Variants in NTN1 observed in about 807,000 individuals in gnomAD.
NTN1 encodes the protein netrin 1.
In NTN1, 11 loss-of-function variants were observed where a neutral mutation model predicts 54.2. That is an observed-to-expected ratio of 0.20 (90% CI 0.13 to 0.34). NTN1 has a LOEUF of 0.34. NTN1 is among the 10% of genes least tolerant of loss of function. NTN1 has a pLI of 1.00. For synonymous variants in NTN1, 371 were observed against 382.0 expected (o/e 0.97, Z 0.33); for missense variants, 740 against 893.1 (o/e 0.83, Z 2.18).
At chr17:9,017,642 G>A (rs557121867), upstream of NTN1, among the ~76,000 whole-genome samples, 3 of 152,282 alleles carry the variant, frequency 2.0e-5, no homozygotes, top group African/African-American at 4.8e-5. Flanking sequence ...GCCTCTCAAC[G>A]CATTCCTTGC....
chr17:9,095,200 T>C (rs1038125066), intron 2 of NTN1, among the ~76,000 whole-genome samples: 2 of 152,208 alleles, frequency 1.3e-5, no homozygotes, highest in African/African-American at 4.8e-5. Flanking sequence ...ATGTAAATTA[T>C]TTGTTATTTC....
chr17:9,227,361 CAT>C (rs1238009309), intron 6 of NTN1, among the ~76,000 whole-genome samples: 3 of 138,586 alleles, frequency 2.2e-5, no homozygotes, highest in African/African-American at 8.4e-5. Context: ...ACACTCACAT[CAT>C]ACACACACCA....
intron 2 of NTN1, among the ~76,000 whole-genome samples, chr17:9,155,464 C>T (rs2092338964): frequency 6.6e-6 from 1 of 152,046 alleles, no homozygotes; most frequent in African/African-American, 2.4e-5. Context: ...GCCTCATCCT[C>T]CCGAGTAGCT....
Position 9,221,545 on chromosome 17 carries a change from T to C in NTN1, c.1486+303T>C, listed in dbSNP as rs1354320904. 6.6e-6 allele frequency among the ~76,000 whole-genome samples: 1 copy of C among 152,232 alleles called. No homozygotes were observed. Among genetic ancestry groups the C allele is most frequent in the Non-Finnish European group, 1.5e-5 (1 of 68,026 alleles). ...GATGGGCTGTGTGGCCACAGACCAG[T>C]GGCTTTACCTCTGTGGTCTTCTGTG... On this transcript the variant is annotated intron_variant, in intron 6 of 6. Coordinates refer to ENST00000173229, the MANE Select transcript of NTN1 (RefSeq NM_004822.3). The surrounding 1 kb of genome is among the most constrained non-coding windows in gnomAD (Gnocchi z 4.5).
chr17:9,150,285 C>T (rs1049053946), intron 2 of NTN1, among the ~76,000 whole-genome samples: 4 of 152,154 alleles, frequency 2.6e-5, no homozygotes, highest in African/African-American at 9.7e-5. Context: ...TGTTTTTGTC[C>T]TGAAAGGCAA....
chr17:9,094,666 A>G (rs2092124074), intron 2 of NTN1, among the ~76,000 whole-genome samples: 1 of 152,010 alleles, frequency 6.6e-6, no homozygotes, highest in African/African-American at 2.4e-5. Flanking sequence ...ATTGTCCTTT[A>G]TGAAATCTTT....
Position 9,221,482 on chromosome 17 carries a change from G to A in NTN1, c.1486+240G>A, listed in dbSNP as rs1477124434. 6.6e-6 allele frequency among the ~76,000 whole-genome samples: 1 copy of A among 152,176 alleles called. No individual in the cohort carries two copies. Among genetic ancestry groups the A allele is most frequent in the Non-Finnish European group, 1.5e-5 (1 of 68,028 alleles). On this transcript the variant is annotated intron_variant, in intron 6 of 6. Transcript: ENST00000173229. This position sits in a 1 kb window ranked among gnomAD's most constrained non-coding sequence, Gnocchi z 4.5. ...TCTCCCCTTCACCCTCCTGAGGCTGGGACACCCAGGCTGGCCTCTGGCTTT... is the reference window on the plus strand; with the variant it reads ...TCTCCCCTTCACCCTCCTGAGGCTGAGACACCCAGGCTGGCCTCTGGCTTT...
intron 6 of NTN1, among the ~76,000 whole-genome samples, chr17:9,233,859 G>C (rs994908306): frequency 1.3e-5 from 2 of 152,180 alleles, no homozygotes; most frequent in Admixed American, 6.5e-5. Context: ...AGGCCTGACT[G>C]TGCCCACCTC....
intron 2 of NTN1, among the ~76,000 whole-genome samples, chr17:9,145,028 G>A (rs983883541): frequency 1.3e-5 from 2 of 152,198 alleles, no homozygotes; most frequent in South Asian, 2.1e-4. Flanking sequence ...GGCCAGTGGC[G>A]AGGACAGTGC....
intron 2 of NTN1, among the ~76,000 whole-genome samples, chr17:9,147,469 G>A (rs1300917278): frequency 2.6e-5 from 4 of 152,136 alleles, no homozygotes; most frequent in South Asian, 4.1e-4. Context: ...AGCTGAGATC[G>A]AGCCACTGCA....
rs1475936874 is a variant in NTN1 at position 9,165,584 on chromosome 17, T to C, written c.1207+2583T>C. Among the ~76,000 whole-genome samples, 1 of 152,082 alleles carries C rather than the reference T, an allele frequency of 6.6e-6. No individual in the cohort carries two copies. Among genetic ancestry groups the C allele is most frequent in the Non-Finnish European group, 1.5e-5 (1 of 68,022 alleles). ...GAATAACTCACAGGACGGGAAAACC[T>C]AAGGATGGATTCTACTCAGAAAGAC... On this transcript the variant is annotated intron_variant, in intron 3 of 6. Transcript: ENST00000173229. This position sits in a 1 kb window ranked among gnomAD's most constrained non-coding sequence, Gnocchi z 4.5.
intron 2 of NTN1, among the ~76,000 whole-genome samples, chr17:9,027,654 A>T (rs1484331123): frequency 1.3e-5 from 2 of 152,304 alleles, no homozygotes; most frequent in African/African-American, 2.4e-5. Flanking sequence ...ATTTTACATC[A>T]TATTATTATA....
At chr17:9,161,693 G>A (rs144666227) in intron 2 of NTN1, among the ~76,000 whole-genome samples, 1 of 152,140 alleles carries the variant, frequency 6.6e-6, no homozygotes, top group East Asian at 1.9e-4. Context: ...CAAGAGAATC[G>A]CTTGAACCCG....
intron 5 of NTN1, among the ~76,000 whole-genome samples, chr17:9,198,169 A>C (rs535612600): frequency 3.9e-5 from 6 of 152,332 alleles, no homozygotes; most frequent in Admixed American, 6.5e-5. Context: ...GCATGAGGGA[A>C]GCACGAGAGT....
intron 2 of NTN1, among the ~76,000 whole-genome samples, chr17:9,066,251 G>A (rs993477810): frequency 1.2e-4 from 18 of 147,050 alleles, no homozygotes; most frequent in African/African-American, 3.8e-4. Context: ...GCAGGACTTC[G>A]TCTCCAAAAA....
At chr17:9,146,158 C>G (rs753621660) in intron 2 of NTN1, among the ~76,000 whole-genome samples, 6 of 152,142 alleles carry the variant, frequency 3.9e-5, no homozygotes, top group Non-Finnish European at 8.8e-5. Flanking sequence ...CATGTATGGA[C>G]AGAGACAGGA....
intron 6 of NTN1, among the ~76,000 whole-genome samples, chr17:9,223,832 G>GTGC (rs1905446784): frequency 6.6e-6 from 1 of 152,192 alleles, no homozygotes; most frequent in Non-Finnish European, 1.5e-5. Context: ...GGAAAGCCCT[G>GTGC]TGCTTCTCCT....
At chr17:9,026,499 A>G (rs185251804) in intron 2 of NTN1, among the ~76,000 whole-genome samples, 1 of 152,100 alleles carries the variant, frequency 6.6e-6, no homozygotes, top group African/African-American at 2.4e-5. Flanking sequence ...TCTTCCGCCC[A>G]TATGTATCAG....
intron 2 of NTN1, among the ~76,000 whole-genome samples, chr17:9,046,887 A>C (rs1290722490): frequency 6.6e-6 from 1 of 152,178 alleles, no homozygotes; most frequent in Non-Finnish European, 1.5e-5. Flanking sequence ...ATACACGAAC[A>C]CACCTTACAG....
Sources: allele counts gnomAD v4.1 joint callset (sites outside exome capture counted in the v4.1 genomes callset), GRCh38; gene constraint gnomAD v4.1.1; non-coding constraint Gnocchi (gnomAD v3.1); transcripts MANE v1.5; gene names NCBI Gene and HGNC (gene_info 2026-07-23, HGNC 2026-07-21).